Variants in DNAJC5B observed in about 807,000 individuals in gnomAD.
DNAJC5B encodes dnaJ homolog subfamily C member 5B.
DNAJC5B carries 23 observed loss-of-function variants against 24.7 expected under a neutral mutation model. That is an observed-to-expected ratio of 0.93 (90% CI 0.67 to 1.32). The LOEUF (loss-of-function observed/expected upper bound fraction) is 1.32. Ranked by LOEUF, DNAJC5B falls within the 40% of genes most tolerant of loss-of-function variation. The probability of loss-of-function intolerance (pLI) is 0.00; values close to 1 mark genes in which losing one functional copy is unlikely to be tolerated. For missense variants in DNAJC5B, 238 were observed against 240.8 expected (o/e 0.99, Z 0.08); for synonymous variants, 101 against 90.1 (o/e 1.12, Z -0.68).
intron 5 of DNAJC5B, among the ~76,000 whole-genome samples, chr8:66,092,424 G>A (rs1002398256): frequency 2.6e-5 from 4 of 152,170 alleles, no homozygotes; most frequent in African/African-American, 9.7e-5. Context: ...AGCTAGGACA[G>A]AGGGCTGTGG....
intron 3 of DNAJC5B, among the ~76,000 whole-genome samples, chr8:66,061,534 C>T (rs572549589): frequency 2.4e-4 from 36 of 151,570 alleles, no homozygotes; most frequent in Non-Finnish European, 4.1e-4. Flanking sequence ...AGCTAGGGCA[C>T]GGGTGCAGGG....
intron 5 of DNAJC5B, among the ~76,000 whole-genome samples, chr8:66,090,067 AG>A: frequency 6.6e-6 from 1 of 152,266 alleles, no homozygotes; most frequent in East Asian, 1.9e-4. Context: ...ACAAATTAGG[AG>A]TTCTACATTG....
chr8:66,039,439 C>T (rs1441078339), intron 1 of DNAJC5B, among the ~76,000 whole-genome samples: 4 of 151,146 alleles, frequency 2.6e-5, no homozygotes, highest in African/African-American at 7.3e-5. Flanking sequence ...ACCTCTGCCT[C>T]CTGGGCTCAA....
intron 3 of DNAJC5B, among the ~76,000 whole-genome samples, chr8:66,053,834 G>A (rs570593076): frequency 6.6e-6 from 1 of 151,816 alleles, no homozygotes; most frequent in South Asian, 2.1e-4. Flanking sequence ...TCTCCATGTT[G>A]GTCAGGCTGG....
intron 5 of DNAJC5B, among the ~76,000 whole-genome samples, chr8:66,095,697 A>G (rs1807937943): frequency 6.7e-6 from 1 of 148,488 alleles, no homozygotes; most frequent in Non-Finnish European, 1.5e-5. Context: ...ACACACACAT[A>G]CAATGTTCTT....
chr8:66,098,890 A>G (rs565533524), intron 5 of DNAJC5B, among the ~76,000 whole-genome samples: 1 of 152,192 alleles, frequency 6.6e-6, no homozygotes, highest in South Asian at 2.1e-4. Flanking sequence ...TGATAAAAGC[A>G]GTTATTGAAG....
rs1808065684 is a variant in DNAJC5B, at chr8:66,101,161, A to G, written c.*1130A>G. Among the ~76,000 whole-genome samples the G allele has an allele frequency of 6.6e-6, 1 of 152,196 alleles. No homozygotes were observed. Among genetic ancestry groups the G allele is most frequent in the Non-Finnish European group, 1.5e-5 (1 of 68,036 alleles). ...TTCTTATTCCCACCCAAAAAATTAT[A>G]GTTAATTGCTGCTAAATATATATTG... On this transcript the variant is annotated 3_prime_UTR_variant, in exon 6 of 6. Coordinates refer to ENST00000276570, the MANE Select transcript of DNAJC5B (RefSeq NM_033105.6).
chr8:66,076,313 G>C (rs1260971416), intron 3 of DNAJC5B, among the ~76,000 whole-genome samples: 1 of 152,170 alleles, frequency 6.6e-6, no homozygotes, highest in Admixed American at 6.6e-5. Context: ...TGGTCCTGTT[G>C]CTGAAACTCT....
chr8:66,051,421 C>T, intron 2 of DNAJC5B, 110 bp from the exon 3 acceptor site: 1 of 707,794 alleles, frequency 1.4e-6, no homozygotes, highest in South Asian at 1.8e-5. Flanking sequence ...AGTTGGTACA[C>T]AAATATTCTT....
intron 5 of DNAJC5B, among the ~76,000 whole-genome samples, chr8:66,096,823 T>A (rs1044689711): frequency 6.6e-6 from 1 of 152,158 alleles, no homozygotes; most frequent in Non-Finnish European, 1.5e-5. Flanking sequence ...GAGTACTATA[T>A]CCATTGGTAT....
intron 5 of DNAJC5B, among the ~76,000 whole-genome samples, chr8:66,094,085 A>G (rs1230929759): frequency 6.6e-6 from 1 of 152,068 alleles, no homozygotes; most frequent in Non-Finnish European, 1.5e-5. Flanking sequence ...ATTTATCACA[A>G]TCCCTAATAT....
chr8:66,018,484 A>C (rs1460305920), upstream of DNAJC5B, among the ~76,000 whole-genome samples: 2 of 152,138 alleles, frequency 1.3e-5, no homozygotes, highest in African/African-American at 4.8e-5. Flanking sequence ...GTGCCACTGC[A>C]CTCCAGCCTG....
the DNAJC5B span, among the ~76,000 whole-genome samples, chr8:66,015,726 G>T: frequency 6.6e-6 from 1 of 152,200 alleles, no homozygotes; most frequent in African/African-American, 2.4e-5. Flanking sequence ...CTGCAGGAAG[G>T]TGTTAAGAGT....
At chr8:66,052,739 G>C (rs2128960044) in intron 3 of DNAJC5B, among the ~76,000 whole-genome samples, 1 of 152,226 alleles carries the variant, frequency 6.6e-6, no homozygotes, top group Non-Finnish European at 1.5e-5. Flanking sequence ...CCACCTATAA[G>C]GCATGTAGCC....
Position 66,085,687 on chromosome 8 carries a change from G to T in DNAJC5B, c.505+5139G>T, listed in dbSNP as rs187955972. On this transcript the variant is annotated intron_variant, in intron 5 of 5. Transcript: ENST00000276570. ...CTCTTCATCAATTCCACACTGTCTTGCTCTCTTGTAGCTTTAAAGTAAGCC... is the reference window on the plus strand; with the variant it reads ...CTCTTCATCAATTCCACACTGTCTTTCTCTCTTGTAGCTTTAAAGTAAGCC... Among the ~76,000 whole-genome samples the T allele has an allele frequency of 8.6e-5, 13 of 152,020 alleles. No individual in the cohort carries two copies. The East Asian group carries it at 2.5e-3, about 29-fold the overall frequency.
chr8:66,016,401 C>A, the DNAJC5B span, among the ~76,000 whole-genome samples: 2 of 152,038 alleles, frequency 1.3e-5, no homozygotes, highest in Non-Finnish European at 2.9e-5. Flanking sequence ...TATAAGCGTC[C>A]GGCATTTCCC....
At chr8:66,086,836 TTC>T (rs1807737477) in intron 5 of DNAJC5B, among the ~76,000 whole-genome samples, 1 of 152,196 alleles carries the variant, frequency 6.6e-6, no homozygotes, top group African/African-American at 2.4e-5. Context: ...TGGTTAGCAG[TTC>T]TTTCTTCTAT....
intron 3 of DNAJC5B, among the ~76,000 whole-genome samples, chr8:66,073,036 C>A (rs1017608475): frequency 1.3e-5 from 2 of 151,668 alleles, no homozygotes; most frequent in Admixed American, 6.6e-5. Flanking sequence ...TTAGCCAAGG[C>A]AGTACAATAA....
At chr8:66,088,680 A>AATC (rs1375813116) in intron 5 of DNAJC5B, among the ~76,000 whole-genome samples, 5 of 152,074 alleles carry the variant, frequency 3.3e-5, no homozygotes, top group Admixed American at 2.0e-4. Context: ...AGATACCCTA[A>AATC]ATCATCTCTT....
Sources: allele counts gnomAD v4.1 joint callset (sites outside exome capture counted in the v4.1 genomes callset), GRCh38; gene constraint gnomAD v4.1.1; transcripts MANE v1.5; gene names NCBI Gene and HGNC (gene_info 2026-07-23, HGNC 2026-07-21).